Variants in GRIN1 observed in about 807,000 individuals in gnomAD.
GRIN1 encodes glutamate ionotropic receptor NMDA type subunit 1.
In GRIN1, 38 loss-of-function variants were observed where a neutral mutation model predicts 103.0. That is an observed-to-expected ratio of 0.37 (90% confidence interval 0.28 to 0.48). GRIN1 has a LOEUF of 0.48. GRIN1 is among the 20% of genes least tolerant of loss of function. GRIN1 has a pLI of 0.98. For synonymous variants in GRIN1, 544 were observed against 532.7 expected (o/e 1.02, Z -0.29); for missense variants, 577 against 1,288.9 (o/e 0.45, Z 8.46).
intron 2 of GRIN1, among the ~76,000 whole-genome samples, chr9:137,144,293 T>C (rs1832335660): frequency 1.3e-5 from 2 of 151,340 alleles, no homozygotes; most frequent in Non-Finnish European, 2.9e-5. Flanking sequence ...GTTCCCAGGG[T>C]CTAAAAAGTG....
At chr9:137,166,120 G>A (rs986606669) in intron 19 of GRIN1, among the ~76,000 whole-genome samples, 4 of 152,154 alleles carry the variant, frequency 2.6e-5, no homozygotes, top group African/African-American at 7.2e-5. Flanking sequence ...AGCCCAGGAC[G>A]ACACTGAGGT....
At chr9:137,148,564 C>T (rs1160082472) in intron 3 of GRIN1, among the ~76,000 whole-genome samples, 2 of 152,354 alleles carry the variant, frequency 1.3e-5, no homozygotes, top group East Asian at 3.9e-4. Flanking sequence ...CCGGGCTGCT[C>T]CTCAGGGGCC....
rs1588746468 is a variant in GRIN1, at chr9:137,167,985, T to C, written c.*458T>C. On this transcript the variant is annotated 3_prime_UTR_variant, in exon 20 of 20. Coordinates refer to ENST00000371561, the MANE Select transcript of GRIN1 (RefSeq NM_007327.4). ...CCGTCCGTCCGCCCGCCCACCCCGC[T>C]GCCTGGCGGGCAGCCCCTGCTGGAC... 1 of 768,044 alleles carries C rather than the reference T, an allele frequency of 1.3e-6. No homozygotes were observed. The highest frequency in any genetic ancestry group is 2.2e-6 in the Non-Finnish European group (1 of 453,910). 47.6% of individuals were successfully genotyped at this position (768,044 alleles called of 1,614,324 possible). A position where few individuals can be genotyped will look rare whatever the true frequency, so the allele number is the denominator to read the frequency against.
chr9:137,141,614 G>A (rs1477180833), intron 1 of GRIN1, among the ~76,000 whole-genome samples: 1 of 152,148 alleles, frequency 6.6e-6, no homozygotes, highest in Non-Finnish European at 1.5e-5. Flanking sequence ...ATGTGGGCTG[G>A]CCCCACCCCT....
intron 4 of GRIN1, among the ~76,000 whole-genome samples, chr9:137,149,324 C>T (rs1475742291): frequency 6.6e-6 from 1 of 152,208 alleles, no homozygotes; most frequent in Non-Finnish European, 1.5e-5. Flanking sequence ...TTCCTGGGCC[C>T]TTCCCCATTC....
chr9:137,161,805 T>C, intron 10 of GRIN1, 119 bp from the exon 11 acceptor site: 3 of 1,039,860 alleles, frequency 2.9e-6, no homozygotes, highest in Non-Finnish European at 4.3e-6. Flanking sequence ...GCCTGCGAGC[T>C]GGGTAGGGTC....
intron 4 of GRIN1, among the ~76,000 whole-genome samples, chr9:137,149,746 G>A (rs1263071814): frequency 2.0e-5 from 3 of 152,162 alleles, no homozygotes; most frequent in African/African-American, 7.2e-5. Context: ...AGTGGGGAAG[G>A]GCAGGGTGAG....
At chr9:137,145,966 T>G in intron 3 of GRIN1, 64 bp downstream of exon 3, 1 of 1,223,850 alleles carries the variant, frequency 8.2e-7, no homozygotes, top group Non-Finnish European at 1.2e-6. Context: ...CCGCCTTGTG[T>G]CTGTGGCTCC....
Position 137,168,156 on chromosome 9 carries a change from C to T in GRIN1, c.*629C>T. On this transcript the variant is annotated 3_prime_UTR_variant, in exon 20 of 20. Coordinates refer to ENST00000371561, the MANE Select transcript of GRIN1 (RefSeq NM_007327.4). Reference sequence around the variant, plus strand: ...TGGCCCCAGGCGGAGGGGCTTGGAGCAGAGACGGCAGCCCCATCCTTCCCG... The same window carrying T: ...TGGCCCCAGGCGGAGGGGCTTGGAGTAGAGACGGCAGCCCCATCCTTCCCG... 2.1e-6 allele frequency: 1 copy of T among 482,444 alleles called. No individual in the cohort carries two copies. Among genetic ancestry groups the T allele is most frequent in the East Asian group, 4.0e-5 (1 of 25,188 alleles). 29.9% of individuals were successfully genotyped at this position (482,444 alleles called of 1,614,324 possible). A position where few individuals can be genotyped will look rare whatever the true frequency, so the allele number is the denominator to read the frequency against.
In GRIN1 at chr9:137,145,709, G is replaced by GC; in HGVS notation, c.394-12dup. Reference sequence around the variant, plus strand: ...CCGCGGGTCCACCTCAGCCCGCCGTGCCCCCGCCTCCCGCAGAGCATCCAC... The same window carrying GC: ...CCGCGGGTCCACCTCAGCCCGCCGTGCCCCCCGCCTCCCGCAGAGCATCCAC... On this transcript the variant is annotated splice_polypyrimidine_tract_variant and intron_variant, in intron 2 of 19. Transcript: ENST00000371561. The GC allele has an allele frequency of 4.3e-6, 7 of 1,609,680 alleles. No homozygotes were observed. The highest frequency in any genetic ancestry group is 5.9e-6 in the Non-Finnish European group (7 of 1,177,628).
chr9:137,157,749 G>C (rs890794015), intron 6 of GRIN1, among the ~76,000 whole-genome samples: 1 of 152,228 alleles, frequency 6.6e-6, no homozygotes, highest in Non-Finnish European at 1.5e-5. Flanking sequence ...AGCACGTGCA[G>C]AGCCACCATC....
In GRIN1 at chr9:137,162,130, C is replaced by A. The variant is rs200419805; in HGVS notation, c.1632+42C>A. ...TGGCGGGGTGGCGGCGGGGGGAGTC[C>A]CTGGAGGGCCCGGGCCGCGCTGACC... On this transcript the variant is annotated intron_variant, in intron 11 of 19. Coordinates refer to ENST00000371561, the MANE Select transcript of GRIN1 (RefSeq NM_007327.4). The A allele has an allele frequency of 2.2e-5, 34 of 1,537,068 alleles. No homozygotes were observed. The East Asian group carries it at 8.3e-4, about 38-fold the overall frequency.
At chr9:137,156,213 A>G (rs561402536) in intron 4 of GRIN1, among the ~76,000 whole-genome samples, 19 of 152,308 alleles carry the variant, frequency 1.2e-4, no homozygotes, top group Non-Finnish European at 2.4e-4. Context: ...GCAAGTGATC[A>G]ATGGTGATCC....
At chr9:137,142,287 G>A (rs919237726) in intron 2 of GRIN1, 140 bp downstream of exon 2, 25 of 807,790 alleles carry the variant, frequency 3.1e-5, no homozygotes, top group African/African-American at 1.2e-4. Flanking sequence ...ATTCATGCAC[G>A]TCCACACGCT....
chr9:137,156,794 A>G lies in GRIN1; in HGVS notation c.793+4A>G, dbSNP rs1369581587. 1 of 1,595,678 alleles carries G rather than the reference A, an allele frequency of 6.3e-7. No homozygotes were observed. The highest frequency in any genetic ancestry group is 8.5e-7 in the Non-Finnish European group (1 of 1,171,470). On this transcript the variant is annotated splice_donor_region_variant and intron_variant, in intron 5 of 19. Coordinates refer to ENST00000371561, the MANE Select transcript of GRIN1 (RefSeq NM_007327.4). ...GCCCTGCGCTACGCCCCAGACGGTG[A>G]GTGCTGGGCCTTGGCGGGGTCCCCG...
chr9:137,162,853 A>AC lies in GRIN1; in HGVS notation c.2025dup (p.Ser676LeufsTer124). 6.2e-7 allele frequency: 1 copy of AC among 1,611,970 alleles called. No individual in the cohort carries two copies. Among genetic ancestry groups the AC allele is most frequent in the Non-Finnish European group, 8.5e-7 (1 of 1,179,620 alleles). On this transcript the variant is annotated frameshift_variant, in exon 15 of 20. Transcript: ENST00000371561. LOFTEE classifies it high-confidence loss of function. ...TGCCCTCCGACCCTGCAGCTGAGGAACCCCTCGGACAAGTTTATCTACGCC... is the reference window on the plus strand; with the variant it reads ...TGCCCTCCGACCCTGCAGCTGAGGAACCCCCTCGGACAAGTTTATCTACGCC...
intron 9 of GRIN1, 29 bp downstream of exon 9, chr9:137,161,226 C>CGGGGCAGGGCGCGGGGCGT (rs1165762561): frequency 1.2e-6 from 2 of 1,605,958 alleles, no homozygotes; most frequent in Non-Finnish European, 1.7e-6. Flanking sequence ...GCGCGGGGCG[C>CGGGGCAGGGCGCGGGGCGT]GGGGCAGGGC....
At position 137,167,492 on chromosome 9, in the gene GRIN1, C is replaced by G; in HGVS notation, c.2782C>G (p.Gln928Glu). ...PRRAIEREEG[Q>E]LQLCSRHRES The stretch of plus-strand genomic sequence containing the variant: ...ACGCGCTATTGAGAGGGAGGAGGGC[C>G]AGCTGCAGCTGTGTTCCCGTCATAG... The change falls in exon 20 of 20, where the codon CAG becomes GAG. Residue 928 changes from glutamine to glutamate, a missense_variant. Coordinates refer to ENST00000371561, the MANE Select transcript of GRIN1 (RefSeq NM_007327.4). 6.4e-7 allele frequency: 1 copy of G among 1,557,714 alleles called. No homozygotes were observed. The highest frequency in any genetic ancestry group is 2.4e-5 in the East Asian group (1 of 42,216).
intron 12 of GRIN1, 48 bp downstream of exon 12, chr9:137,162,338 C>T: frequency 5.2e-6 from 8 of 1,548,876 alleles, no homozygotes; most frequent in Non-Finnish European, 7.0e-6. Context: ...GGGCGCGGAG[C>T]CGGCCAGGGG....
Sources: gnomAD v4.1 joint callset for allele counts (sites outside exome capture counted in the v4.1 genomes callset) on GRCh38, gnomAD v4.1.1 for gene constraint, MANE v1.5 for transcripts, NCBI Gene and HGNC (gene_info 2026-07-23, HGNC 2026-07-21) for gene names.